Variants in SLC45A4 observed in about 807,000 individuals in gnomAD.
SLC45A4 encodes the protein polyamine-transporter SLC45A4.
In SLC45A4, 32 loss-of-function variants were observed where a neutral mutation model predicts 63.7. That is an observed-to-expected ratio of 0.50 (90% CI 0.38 to 0.67). SLC45A4 has a LOEUF of 0.67. Ranked by LOEUF, SLC45A4 falls within the 30% of genes least tolerant of loss-of-function variation. The probability of loss-of-function intolerance (pLI) is 0.00; values close to 1 mark genes in which losing one functional copy is unlikely to be tolerated. For synonymous variants in SLC45A4, 535 were observed against 510.0 expected (o/e 1.05, Z -0.66); for missense variants, 1,027 against 1,157.7 (o/e 0.89, Z 1.64).
chr8:141,220,232 T>C (rs914848109), intron 3 of SLC45A4, among the ~76,000 whole-genome samples: 6 of 152,210 alleles, frequency 3.9e-5, no homozygotes, highest in Non-Finnish European at 8.8e-5. Flanking sequence ...AAGGCGCTCA[T>C]GCCACAGACA....
intron 1 of SLC45A4, among the ~76,000 whole-genome samples, chr8:141,280,614 T>A (rs370812330): frequency 1.7e-4 from 26 of 152,222 alleles, no homozygotes; most frequent in East Asian, 1.5e-3. Context: ...AGGTTGAGAC[T>A]CCAAACAGCC....
intron 1 of SLC45A4, among the ~76,000 whole-genome samples, chr8:141,280,718 G>A (rs990319453): frequency 5.9e-5 from 9 of 152,216 alleles, no homozygotes; most frequent in East Asian, 1.9e-4. Context: ...CGTGTAATGC[G>A]ACAGCGTGCA....
At chr8:141,242,316 G>A (rs1463980856) in intron 2 of SLC45A4, among the ~76,000 whole-genome samples, 1 of 152,158 alleles carries the variant, frequency 6.6e-6, no homozygotes, top group African/African-American at 2.4e-5. Context: ...AATAAGTACT[G>A]GAATCACCGT....
intron 5 of SLC45A4, among the ~76,000 whole-genome samples, chr8:141,217,634 C>T (rs886651297): frequency 6.6e-6 from 1 of 152,250 alleles, no homozygotes; most frequent in Non-Finnish European, 1.5e-5. Context: ...TGTGACCCAG[C>T]CGTTACCACA....
chr8:141,253,904 C>T (rs1828642827), intron 2 of SLC45A4, 85 bp downstream of exon 2: 47 of 1,501,694 alleles, frequency 3.1e-5, no homozygotes, highest in Non-Finnish European at 3.6e-5. Context: ...ACGCACCATC[C>T]TCTGCCTCCA....
Position 141,219,887 on chromosome 8 carries a change from G to C in SLC45A4, c.431-58C>G. 2.1e-6 allele frequency: 3 copies of C among 1,451,220 alleles called. 1 individual carries two copies. Among genetic ancestry groups the C allele is most frequent in the South Asian group, 2.7e-5 (2 of 73,284 alleles). 89.9% of individuals were successfully genotyped at this position (1,451,220 alleles called of 1,614,324 possible). ...CTCAAGCACTGGCCAGGGTGGGCCT[G>C]ATAGCAAACAGCCACATGGAAGGGG... On this transcript the variant is annotated intron_variant, in intron 3 of 8. Coordinates refer to ENST00000517878, the MANE Select transcript of SLC45A4 (RefSeq NM_001286646.2).
intron 2 of SLC45A4, among the ~76,000 whole-genome samples, chr8:141,244,957 T>TGGGGGGGGGGGGGGGGGGGG (rs1243475649): frequency 2.4e-4 from 2 of 8,416 alleles, no homozygotes. Context: ...AAGACGTGGG[T>TGGGGGGGGGGGGGGGGGGGG]GGGGGGGGGG....
chr8:141,250,860 A>G (rs1340965735), intron 2 of SLC45A4, among the ~76,000 whole-genome samples: 2 of 152,230 alleles, frequency 1.3e-5, no homozygotes, highest in African/African-American at 2.4e-5. Context: ...TAAAATCTAT[A>G]CAAGTCTTAT....
chr8:141,234,819 C>T (rs960542654), intron 2 of SLC45A4, among the ~76,000 whole-genome samples: 1 of 152,198 alleles, frequency 6.6e-6, no homozygotes, highest in Non-Finnish European at 1.5e-5. Flanking sequence ...GCTCTGGCCC[C>T]TCCCCCCAGC....
At chr8:141,279,687 C>T (rs1008846720) in intron 1 of SLC45A4, among the ~76,000 whole-genome samples, 28 of 152,362 alleles carry the variant, frequency 1.8e-4, no homozygotes, top group African/African-American at 6.0e-4. Flanking sequence ...GGCACACGCC[C>T]CGCGCTGGCC....
chr8:141,300,192 G>T (rs541160082), intron 1 of SLC45A4, among the ~76,000 whole-genome samples: 5 of 152,274 alleles, frequency 3.3e-5, no homozygotes, highest in African/African-American at 1.2e-4. Flanking sequence ...CCACATTACC[G>T]ATTCCACAGA....
chr8:141,304,896 C>T (rs1210796772), intron 1 of SLC45A4, among the ~76,000 whole-genome samples: 1 of 152,170 alleles, frequency 6.6e-6, no homozygotes, highest in Non-Finnish European at 1.5e-5. Context: ...CTTAAAATGC[C>T]TCCTCCAAAA....
intron 1 of SLC45A4, among the ~76,000 whole-genome samples, chr8:141,284,405 A>G (rs1201995268): frequency 6.6e-6 from 1 of 152,064 alleles, no homozygotes; most frequent in East Asian, 1.9e-4. Context: ...GGGAGGGGCC[A>G]CCCCCAGCAC....
At position 141,237,965 on chromosome 8, in the gene SLC45A4, T is replaced by C. The variant is rs1439677210; in HGVS notation, c.241+16024A>G. Among the ~76,000 whole-genome samples, 5 of 152,240 alleles carry C rather than the reference T, an allele frequency of 3.3e-5. No homozygotes were observed. In the South Asian group the frequency reaches 8.3e-4, roughly 25 times the overall value. On this transcript the variant is annotated intron_variant, in intron 2 of 8. Transcript: ENST00000517878. ...GTTTAAAAAATACAATGATCTGAAA[T>C]GCAAGGAAATCCAGGCTTCCCAGTC... is the stretch of plus-strand genomic sequence containing the variant.
At chr8:141,239,599 C>T (rs1023214152) in intron 2 of SLC45A4, among the ~76,000 whole-genome samples, 4 of 151,782 alleles carry the variant, frequency 2.6e-5, no homozygotes, top group Non-Finnish European at 4.4e-5. Flanking sequence ...CACACACACA[C>T]GCACGCACAC....
chr8:141,217,298 G>T (rs1011733019), intron 5 of SLC45A4, 109 bp from the exon 6 acceptor site: 2 of 1,162,790 alleles, frequency 1.7e-6, no homozygotes, highest in Non-Finnish European at 2.4e-6. Context: ...TAAGAGCGGT[G>T]ACAGGAAAGT....
chr8:141,231,847 G>A (rs918162791), intron 2 of SLC45A4, among the ~76,000 whole-genome samples: 1 of 152,342 alleles, frequency 6.6e-6, no homozygotes, highest in East Asian at 1.9e-4. Flanking sequence ...AGTACACAGC[G>A]ACGCCTCTCA....
chr8:141,244,814 C>T (rs1031974861), intron 2 of SLC45A4, among the ~76,000 whole-genome samples: 1 of 152,056 alleles, frequency 6.6e-6, no homozygotes, highest in Non-Finnish European at 1.5e-5. Flanking sequence ...GGGACACACA[C>T]AGGACAAGAG....
chr8:141,260,436 C>A (rs1196519075), intron 1 of SLC45A4, among the ~76,000 whole-genome samples: 1 of 152,170 alleles, frequency 6.6e-6, no homozygotes, highest in Admixed American at 6.5e-5. Context: ...AAGATATGCA[C>A]CCATTGGACT....
Sources: allele counts gnomAD v4.1 joint callset (sites outside exome capture counted in the v4.1 genomes callset), GRCh38; gene constraint gnomAD v4.1.1; transcripts MANE v1.5; gene names NCBI Gene and HGNC (gene_info 2026-07-23, HGNC 2026-07-21).